Variants in CMTM4 observed in about 807,000 individuals in gnomAD.
The protein encoded by CMTM4 is CKLF like MARVEL transmembrane domain containing 4.
CMTM4 carries 8 observed loss-of-function variants against 19.0 expected under a neutral mutation model. That is an observed-to-expected ratio of 0.42 (90% confidence interval 0.25 to 0.76). CMTM4 has a LOEUF of 0.76. Ranked by LOEUF, CMTM4 falls within the 30% of genes least tolerant of loss-of-function variation. CMTM4 has a pLI of 0.27. For synonymous variants in CMTM4, 106 were observed against 121.1 expected (o/e 0.88, Z 0.82); for missense variants, 228 against 290.2 (o/e 0.79, Z 1.56).
rs1221018358 is a variant in CMTM4 at position 66,621,385 on chromosome 16, C to T, written c.*673G>A. Reference sequence around the variant, plus strand: ...GATAGTCCCCATAACAAGATGGCCCCCATATTCCTGGAGAAGAATCTGGGG... The same window carrying T: ...GATAGTCCCCATAACAAGATGGCCCTCATATTCCTGGAGAAGAATCTGGGG... On this transcript the variant is annotated 3_prime_UTR_variant, in exon 4 of 4. Transcript: ENST00000394106. 1.0e-6 allele frequency: 1 copy of T among 985,738 alleles called. No individual in the cohort carries two copies. Among genetic ancestry groups the T allele is most frequent in the African/African-American group, 1.7e-5 (1 of 57,236 alleles). The allele number at this position is 985,738 out of a possible 1,614,324, so 61.1% of individuals were successfully genotyped here.
At chr16:66,639,062 T>G (rs1006684841) in intron 1 of CMTM4, among the ~76,000 whole-genome samples, 1 of 152,156 alleles carries the variant, frequency 6.6e-6, no homozygotes, top group South Asian at 2.1e-4. Context: ...ACACAAAAGA[T>G]ATGGGTCTTT....
intron 1 of CMTM4, among the ~76,000 whole-genome samples, chr16:66,667,219 G>A (rs1329730193): frequency 1.3e-5 from 2 of 152,006 alleles, no homozygotes; most frequent in African/African-American, 2.4e-5. Context: ...CAGCTACCCG[G>A]GAGGCTAAGG....
chr16:66,674,556 G>A (rs534017876), intron 1 of CMTM4, among the ~76,000 whole-genome samples: 2 of 152,142 alleles, frequency 1.3e-5, no homozygotes, highest in South Asian at 2.1e-4. Flanking sequence ...TAGGTTCTCA[G>A]TGGAAACTAA....
chr16:66,656,679 G>A (rs1453056506), intron 1 of CMTM4, among the ~76,000 whole-genome samples: 1 of 151,340 alleles, frequency 6.6e-6, no homozygotes, highest in African/African-American at 2.4e-5. Flanking sequence ...TAACTCAACA[G>A]TGGAGAATCT....
intron 1 of CMTM4, among the ~76,000 whole-genome samples, chr16:66,659,492 G>A (rs962460560): frequency 1.3e-5 from 2 of 152,184 alleles, no homozygotes; most frequent in African/African-American, 4.8e-5. Context: ...GATGAGGGCT[G>A]TTGTAAGATT....
the CMTM4 span, among the ~76,000 whole-genome samples, chr16:66,607,815 G>T: frequency 3.3e-5 from 5 of 151,852 alleles, no homozygotes; most frequent in Non-Finnish European, 5.9e-5. Flanking sequence ...CAGCATAGGT[G>T]TGAGCCTGGG....
intron 1 of CMTM4, among the ~76,000 whole-genome samples, chr16:66,679,098 A>T (rs2016860997): frequency 1.6e-5 from 2 of 128,816 alleles, no homozygotes; most frequent in East Asian, 2.9e-4. Flanking sequence ...GACTCCATCT[A>T]AAAAAAAAAA....
At chr16:66,680,742 C>A (rs1161125087) in intron 1 of CMTM4, among the ~76,000 whole-genome samples, 1 of 142,696 alleles carries the variant, frequency 7.0e-6, no homozygotes, top group Non-Finnish European at 1.5e-5. Flanking sequence ...CCACTGCACT[C>A]CAGCCTGGGC....
At chr16:66,608,859 G>A in the CMTM4 span, among the ~76,000 whole-genome samples, 21 of 152,210 alleles carry the variant, frequency 1.4e-4, no homozygotes, top group Non-Finnish European at 2.6e-4. The surrounding 1 kb of genome is among the most constrained non-coding windows in gnomAD (Gnocchi z 5.1). Context: ...CCCTGACCTC[G>A]TTTTATCACC....
At chr16:66,625,469 A>G (rs1478575983) in intron 2 of CMTM4, among the ~76,000 whole-genome samples, 1 of 152,024 alleles carries the variant, frequency 6.6e-6, no homozygotes, top group Non-Finnish European at 1.5e-5. Context: ...AAAAGAAAAC[A>G]GTCAAAAATT....
At chr16:66,626,194 G>C (rs1054516778) in intron 2 of CMTM4, among the ~76,000 whole-genome samples, 5 of 152,230 alleles carry the variant, frequency 3.3e-5, no homozygotes, top group African/African-American at 1.2e-4. Context: ...CAGCACTTTG[G>C]GAGGCCGAGG....
At chr16:66,609,875 G>A (rs151239168), downstream of CMTM4, 10,735 of 1,614,142 alleles carry the variant, frequency 6.7e-3, 55 homozygotes, top group Non-Finnish European at 8.2e-3. This position sits in a 1 kb window ranked among gnomAD's most constrained non-coding sequence, Gnocchi z 4.4. Flanking sequence ...CATCCACCCT[G>A]TCCACAGGTG....
intron 1 of CMTM4, among the ~76,000 whole-genome samples, chr16:66,680,862 C>T (rs995881889): frequency 2.6e-5 from 4 of 151,202 alleles, no homozygotes; most frequent in African/African-American, 7.3e-5. Flanking sequence ...TCCATCTCCA[C>T]TGCCAAAAGA....
At chr16:66,689,926 G>C (rs2017105328) in intron 1 of CMTM4, among the ~76,000 whole-genome samples, 1 of 152,072 alleles carries the variant, frequency 6.6e-6, no homozygotes, top group Non-Finnish European at 1.5e-5. Flanking sequence ...AACTGTCTTT[G>C]TGTGGTTTTG....
downstream of CMTM4, chr16:66,609,856 G>A: frequency 6.2e-7 from 1 of 1,614,188 alleles, no homozygotes; most frequent in African/African-American, 1.3e-5. The surrounding 1 kb of genome is among the most constrained non-coding windows in gnomAD (Gnocchi z 4.4). Flanking sequence ...TCAGCCCTGT[G>A]ATGCATCCCA....
rs374010185 is a variant in CMTM4, at chr16:66,622,114, G to A, written c.571C>T (p.Arg191Cys). 8.9e-5 allele frequency: 142 copies of A among 1,604,278 alleles called. No homozygotes were observed. Among genetic ancestry groups the A allele is most frequent in the South Asian group, 8.1e-4 (72 of 89,280 alleles). Residue 191 changes from arginine to cysteine, a missense_variant, in exon 4 of 4, where the codon CGC becomes TGC. Around this residue, in one of 3 missense-constraint regions of CMTM4, gnomAD observed 200 missense variants for 226.6 expected, o/e 0.88. Coordinates refer to ENST00000394106, the MANE Select transcript of CMTM4 (RefSeq NM_181521.3). The surrounding 1 kb of genome is among the most constrained non-coding windows in gnomAD (Gnocchi z 4.0). ...CTGTCCACATCCCTGGACTCCGTGC[G>A]GGCTCGGATGTAGTCATTGGTGCTC... ...QQSTNDYIRA[R>C]TESRDVDSRP...
the CMTM4 span, among the ~76,000 whole-genome samples, chr16:66,607,770 G>A: frequency 1.3e-5 from 2 of 152,128 alleles, no homozygotes; most frequent in Admixed American, 6.5e-5. Flanking sequence ...GGTGGGGTAA[G>A]GTGAGGACTC....
At chr16:66,605,527 G>T in the CMTM4 span, 2 of 152,442 alleles carry the variant, frequency 1.3e-5, no homozygotes, top group Non-Finnish European at 1.5e-5. This position sits in a 1 kb window ranked among gnomAD's most constrained non-coding sequence, Gnocchi z 4.6. Flanking sequence ...GGGCTTCTTT[G>T]TCCTCTGGAC....
At chr16:66,638,016 C>T (rs1399803546) in intron 1 of CMTM4, among the ~76,000 whole-genome samples, 1 of 152,200 alleles carries the variant, frequency 6.6e-6, no homozygotes, top group Non-Finnish European at 1.5e-5. Context: ...TGGGGCCTTT[C>T]TCCACCTGCT....
Sources: allele counts gnomAD v4.1 joint callset (sites outside exome capture counted in the v4.1 genomes callset), GRCh38; gene constraint gnomAD v4.1.1; regional missense constraint gnomAD v4.1.1; non-coding constraint Gnocchi (gnomAD v3.1); transcripts MANE v1.5; gene names NCBI Gene and HGNC (gene_info 2026-07-23, HGNC 2026-07-21).